Variants in ANAPC16 observed in about 807,000 individuals in gnomAD.
ANAPC16 encodes anaphase promoting complex subunit 16.
ANAPC16 carries 6 observed loss-of-function variants against 13.1 expected under a neutral mutation model. The observed-to-expected ratio is 0.46, with a 90% CI of 0.25 to 0.90. ANAPC16 has a LOEUF of 0.90. ANAPC16 is among the 40% of genes least tolerant of loss of function. The pLI, the probability that ANAPC16 is intolerant of heterozygous loss-of-function variation, is 0.18. For missense variants in ANAPC16, 113 were observed against 131.1 expected, an observed-to-expected ratio of 0.86 and a Z score of 0.67; for synonymous variants, 55 against 51.3, an observed-to-expected ratio of 1.07 and a Z score of -0.31.
rs529343063 is a variant in ANAPC16, at chr10:72,232,935, G to C, written c.218-66G>C. 2.4e-6 allele frequency: 3 copies of C among 1,264,540 alleles called. No homozygotes were observed. The East Asian group carries it at 7.0e-5, about 29-fold the overall frequency. 78.3% of individuals were successfully genotyped at this position (1,264,540 alleles called of 1,614,324 possible). On this transcript the variant is annotated intron_variant, in intron 3 of 3. Transcript: ENST00000299381. ...TTATTTTTATACCAGTCATCATCTT[G>C]GTGGCTGGTGGCAGTCTCTTGGGTA...
intron 3 of ANAPC16, among the ~76,000 whole-genome samples, chr10:72,232,713 C>T (rs574425061): frequency 6.6e-6 from 1 of 151,350 alleles, no homozygotes; most frequent in South Asian, 2.1e-4. Flanking sequence ...AAGCGATTCT[C>T]CTGCCTCAGC....
At chr10:72,230,500 G>A in intron 3 of ANAPC16, 60 bp downstream of exon 3, 1 of 1,441,596 alleles carries the variant, frequency 6.9e-7, no homozygotes, top group African/African-American at 1.4e-5. Flanking sequence ...GGGTGGATGA[G>A]GCTGTGACAA....
intron 2 of ANAPC16, 86 bp downstream of exon 2, chr10:72,224,142 G>T (rs1321568991): frequency 3.6e-5 from 48 of 1,325,172 alleles, no homozygotes; most frequent in Non-Finnish European, 3.8e-5. Flanking sequence ...GATTAAAGAT[G>T]AGTTTGCCCT....
intron 3 of ANAPC16, among the ~76,000 whole-genome samples, chr10:72,232,270 C>G (rs977374068): frequency 6.7e-6 from 1 of 150,360 alleles, no homozygotes; most frequent in African/African-American, 2.5e-5. Context: ...GAGGGTCGGG[C>G]ACAGTGGCTC....
intron 1 of ANAPC16, among the ~76,000 whole-genome samples, chr10:72,218,159 AAAAAAAATATAT>A (rs1216404663): frequency 2.8e-4 from 13 of 45,794 alleles, no homozygotes; most frequent in Admixed American, 2.0e-3. Flanking sequence ...AAAAAAAAAA[AAAAAAAATATAT>A]ATATATATAT....
chr10:72,220,325 C>CAAAAAAAAAAAAAA (rs75738117), intron 1 of ANAPC16: 17 of 63,676 alleles, frequency 2.7e-4, no homozygotes, highest in African/African-American at 8.0e-4. Flanking sequence ...AACTCCGTCT[C>CAAAAAAAAAAAAAA]AAAAAAAAAA....
chr10:72,216,292 G>C (rs1295369094), intron 1 of ANAPC16, 154 bp downstream of exon 1: 3 of 159,634 alleles, frequency 1.9e-5, no homozygotes, highest in Non-Finnish European at 4.2e-5. Context: ...TCCCCAGGCC[G>C]GGTTTGACCG....
chr10:72,216,842 A>ATACT (rs1859443543), intron 1 of ANAPC16: 1 of 456,056 alleles, frequency 2.2e-6, no homozygotes, highest in Admixed American at 2.4e-5. Context: ...AAGTCCCAGG[A>ATACT]TACTTCATCA....
chr10:72,232,834 G>C (rs1860363866), intron 3 of ANAPC16, among the ~76,000 whole-genome samples, 167 bp from the exon 4 acceptor site: 1 of 151,980 alleles, frequency 6.6e-6, no homozygotes, highest in African/African-American at 2.4e-5. Context: ...TCGATCTCTT[G>C]ACCTCGTGAT....
At chr10:72,231,969 C>G (rs1053847217) in intron 3 of ANAPC16, among the ~76,000 whole-genome samples, 1 of 151,684 alleles carries the variant, frequency 6.6e-6, no homozygotes, top group African/African-American at 2.4e-5. Flanking sequence ...GGCGGATCAC[C>G]TGAGGTCGGG....
intron 1 of ANAPC16, among the ~76,000 whole-genome samples, chr10:72,219,384 T>C (rs1859810707): frequency 6.6e-6 from 1 of 152,128 alleles, no homozygotes; most frequent in African/African-American, 2.4e-5. Context: ...TGGATATGAG[T>C]ACAATTTGGA....
rs1860403835 is a variant in ANAPC16, at chr10:72,234,064, T to A, written c.*948T>A. 1 of 151,456 alleles carries A rather than the reference T, an allele frequency of 6.6e-6. No homozygotes were observed. Among genetic ancestry groups the A allele is most frequent in the South Asian group, 2.1e-4 (1 of 4,766 alleles). 9.4% of individuals were successfully genotyped at this position (151,456 alleles called of 1,614,324 possible). A position where few individuals can be genotyped will look rare whatever the true frequency, so the allele number is the denominator to read the frequency against. On this transcript the variant is annotated 3_prime_UTR_variant, in exon 4 of 4. Coordinates refer to ENST00000299381, the MANE Select transcript of ANAPC16 (RefSeq NM_173473.4). Reference sequence around the variant, plus strand: ...TCTTGTTGCCCAGGCTGTATCGCAATGGCGCGATCTCTGCTCACTGCAACA... The same window carrying A: ...TCTTGTTGCCCAGGCTGTATCGCAAAGGCGCGATCTCTGCTCACTGCAACA...
At chr10:72,230,844 TCA>T (rs1860275989) in intron 3 of ANAPC16, among the ~76,000 whole-genome samples, 2 of 152,008 alleles carry the variant, frequency 1.3e-5, no homozygotes, top group Non-Finnish European at 2.9e-5. Context: ...TGAGCCGGAA[TCA>T]CAGCACTGCA....
intron 1 of ANAPC16, among the ~76,000 whole-genome samples, chr10:72,217,953 GA>G (rs1307316806): frequency 3.4e-5 from 5 of 148,768 alleles, no homozygotes; most frequent in Admixed American, 6.7e-5. Context: ...CCCAAAACCT[GA>G]AAAAAAAATC....
At position 72,230,978 on chromosome 10, in the gene ANAPC16, G is replaced by A. The variant is rs558531908; in HGVS notation, c.217+538G>A. Among the ~76,000 whole-genome samples, 4 of 152,208 alleles carry A rather than the reference G, an allele frequency of 2.6e-5. No individual in the cohort carries two copies. The East Asian group carries it at 5.8e-4, about 22-fold the overall frequency. On this transcript the variant is annotated intron_variant, in intron 3 of 3. Transcript: ENST00000299381. ...CTCCTGTCTGAAACCTCCTTTTACT[G>A]TTGTCCTCCACTGGTTACCATCATC...
At chr10:72,227,201 ACC>A in intron 2 of ANAPC16, among the ~76,000 whole-genome samples, 1 of 152,346 alleles carries the variant, frequency 6.6e-6, no homozygotes, top group South Asian at 2.1e-4. Flanking sequence ...TACAGGAGGT[ACC>A]TCCACAGTCT....
chr10:72,220,814 TC>T (rs1395509748), intron 1 of ANAPC16: 5 of 151,222 alleles, frequency 3.3e-5, no homozygotes, highest in South Asian at 2.1e-4. Context: ...ATTTCTTTGT[TC>T]CTTTTCCACT....
intron 2 of ANAPC16, among the ~76,000 whole-genome samples, chr10:72,227,805 C>T (rs1162577782): frequency 2.7e-5 from 4 of 149,380 alleles, no homozygotes; most frequent in Non-Finnish European, 3.0e-5. Flanking sequence ...CCGAGGTGGG[C>T]GGATCACCTG....
chr10:72,230,620 T>G lies in ANAPC16; in HGVS notation c.217+180T>G, dbSNP rs373667303. ...ATTGAGGCTTAAGGTTGGGGCCGAG[T>G]GCAGTGGCTCACGTTTGTAATCCCA... On this transcript the variant is annotated intron_variant, in intron 3 of 3. Transcript: ENST00000299381. Among the ~76,000 whole-genome samples the G allele has an allele frequency of 2.8e-3, 424 of 152,248 alleles. 4 individuals are homozygous for G. Among genetic ancestry groups the G allele is most frequent in the African/African-American group, 9.7e-3 (403 of 41,540 alleles).
Sources: gnomAD v4.1 joint callset for allele counts (sites outside exome capture counted in the v4.1 genomes callset) on GRCh38, gnomAD v4.1.1 for gene constraint, MANE v1.5 for transcripts, NCBI Gene and HGNC (gene_info 2026-07-23, HGNC 2026-07-21) for gene names.